The following PSEN1 variants were observed in gnomAD, a reference collection of about 807,000 sequenced individuals.
PSEN1 encodes presenilin-1.
Under a neutral mutation model 53.5 loss-of-function variants are expected in PSEN1, and 15 were observed. The ratio of observed to expected loss-of-function variants is 0.28; its 90% CI spans 0.19 to 0.43. The LOEUF (loss-of-function observed/expected upper bound fraction) is 0.43, where lower values mean the gene tolerates loss of function less well. Among genes scored for constraint, PSEN1 ranks in the 20% least tolerant of loss-of-function variants. The pLI, the probability that PSEN1 is intolerant of heterozygous loss-of-function variation, is 1.00. For synonymous variants in PSEN1, 208 were observed against 209.8 expected, an observed-to-expected ratio of 0.99 and a Z score of 0.08; for missense variants, 387 against 571.2, an observed-to-expected ratio of 0.68 and a Z score of 3.29.
At chr14:73,146,480 A>G (rs142849869) in intron 1 of PSEN1, among the ~76,000 whole-genome samples, 1 of 152,292 alleles carries the variant, frequency 6.6e-6, no homozygotes, top group East Asian at 1.9e-4. Context: ...ATGAATTTGC[A>G]TTTCGCTGAT....
chr14:73,150,318 G>A (rs1489365470), intron 3 of PSEN1, among the ~76,000 whole-genome samples: 1 of 152,098 alleles, frequency 6.6e-6, no homozygotes, highest in Non-Finnish European at 1.5e-5. Context: ...AGATAAAATT[G>A]AAGTGCTCCT....
intron 1 of PSEN1, among the ~76,000 whole-genome samples, chr14:73,147,158 G>A (rs1308978368): frequency 6.6e-6 from 1 of 150,684 alleles, no homozygotes; most frequent in Non-Finnish European, 1.5e-5. Flanking sequence ...GCTAATTTTT[G>A]TATTTTTAGT....
intron 1 of PSEN1, among the ~76,000 whole-genome samples, chr14:73,138,833 G>A (rs1896827440): frequency 6.6e-6 from 1 of 151,158 alleles, no homozygotes; most frequent in Non-Finnish European, 1.5e-5. Flanking sequence ...CGGGCGTGAT[G>A]GCGGGCGCCT....
intron 5 of PSEN1, among the ~76,000 whole-genome samples, chr14:73,176,490 C>G (rs144084598): frequency 6.6e-6 from 1 of 152,186 alleles, no homozygotes; most frequent in Admixed American, 6.5e-5. Context: ...CTTTCCCTTA[C>G]AAAATACCTG....
intron 7 of PSEN1, among the ~76,000 whole-genome samples, chr14:73,193,309 C>CA (rs1308316744): frequency 2.0e-5 from 3 of 151,362 alleles, no homozygotes; most frequent in Non-Finnish European, 1.5e-5. Flanking sequence ...GACCTTGTCT[C>CA]AAAAAAAATT....
At position 73,170,190 on chromosome 14, in the gene PSEN1, GT is replaced by G. The variant is rs372333965; in HGVS notation, c.88-603del. Among the ~76,000 whole-genome samples, 22 of 152,274 alleles carry G rather than the reference GT, an allele frequency of 1.4e-4. No homozygotes were observed. In the East Asian group the frequency reaches 3.9e-3, roughly 27 times the overall value. ...CTCCTCACCATCTTGGTTTTGGTGG[GT>G]TTTGGCCAGCTTCTTTATTGCAACC... On this transcript the variant is annotated intron_variant, in intron 3 of 11. Coordinates refer to ENST00000324501, the MANE Select transcript of PSEN1 (RefSeq NM_000021.4).
chr14:73,201,624 G>A (rs760715744), intron 8 of PSEN1, among the ~76,000 whole-genome samples: 1 of 152,168 alleles, frequency 6.6e-6, no homozygotes, highest in Non-Finnish European at 1.5e-5. Context: ...AGAAGGAGAG[G>A]TATAGTAAAT....
intron 6 of PSEN1, chr14:73,189,770 A>G: frequency 4.8e-6 from 1 of 209,410 alleles, no homozygotes; most frequent in Non-Finnish European, 1.0e-5. Flanking sequence ...GGTGAAGCAG[A>G]GATGCCAGCT....
intron 11 of PSEN1, among the ~76,000 whole-genome samples, chr14:73,218,213 A>G (rs1273554518): frequency 6.6e-6 from 1 of 150,824 alleles, no homozygotes; most frequent in African/African-American, 2.5e-5. Flanking sequence ...CAGCCTCCCA[A>G]GTAGCTGGAA....
In PSEN1 at chr14:73,144,064, G is replaced by T. The variant is rs1190053679; in HGVS notation, c.-135-3731G>T. 1.1e-4 allele frequency among the ~76,000 whole-genome samples: 12 copies of T among 112,764 alleles called. 1 individual carries two copies. The highest frequency in any genetic ancestry group is 1.9e-4 in the Non-Finnish European group (11 of 58,476). The allele number at this position is 112,764 out of a possible 152,430, so 74.0% of individuals were successfully genotyped here. ...TTTTTTTTTTTTTTTTTTTTGAGAT[G>T]GAGTCTCACTCTGTCACCCAGGCAG... On this transcript the variant is annotated intron_variant, in intron 1 of 11. Transcript: ENST00000324501.
intron 8 of PSEN1, among the ~76,000 whole-genome samples, chr14:73,200,563 A>G (rs751937012): frequency 6.6e-6 from 1 of 152,224 alleles, no homozygotes; most frequent in Non-Finnish European, 1.5e-5. Context: ...GCCCTGTAAA[A>G]TTAATCTTAA....
At chr14:73,182,740 A>C (rs200998182) in intron 5 of PSEN1, among the ~76,000 whole-genome samples, 1 of 151,810 alleles carries the variant, frequency 6.6e-6, no homozygotes, top group Non-Finnish European at 1.5e-5. Flanking sequence ...TCGGGAGGCT[A>C]AGGCAGGAGA....
intron 8 of PSEN1, among the ~76,000 whole-genome samples, chr14:73,203,479 G>A (rs934716013): frequency 5.9e-5 from 9 of 152,084 alleles, no homozygotes; most frequent in African/African-American, 1.4e-4. Flanking sequence ...ACGCAATGCC[G>A]ATGAGTACTT....
rs1428166701 is a variant in PSEN1, at chr14:73,206,411, G to A, written c.894G>A (p.Met298Ile). The A allele has an allele frequency of 1.2e-6, 2 of 1,613,944 alleles. No individual in the cohort carries two copies. Among genetic ancestry groups the A allele is most frequent in the Non-Finnish European group, 1.7e-6 (2 of 1,179,978 alleles). ...CAACAATGGTGTGGTTGGTGAATATGGCAGAAGGAGACCCGGAAGCTCAAA... is the reference window on the plus strand; with the variant it reads ...CAACAATGGTGTGGTTGGTGAATATAGCAGAAGGAGACCCGGAAGCTCAAA... The part of the protein sequence containing the change: ...YSSTMVWLVN[M>I]AEGDPEAQRR... The change falls in exon 9 of 12, where the codon ATG becomes ATA. Residue 298 changes from methionine to isoleucine, a missense_variant. Physicochemically the swap from Met to Ile is conservative, Grantham distance 10. Coordinates refer to ENST00000324501, the MANE Select transcript of PSEN1 (RefSeq NM_000021.4).
chr14:73,151,002 A>G (rs545270090), intron 3 of PSEN1, among the ~76,000 whole-genome samples: 1 of 151,924 alleles, frequency 6.6e-6, no homozygotes, highest in African/African-American at 2.4e-5. Flanking sequence ...TGGGAGGCGG[A>G]GCTTGCAGTG....
chr14:73,199,782 G>C (rs1047948733), intron 8 of PSEN1, among the ~76,000 whole-genome samples: 1 of 152,188 alleles, frequency 6.6e-6, no homozygotes, highest in Non-Finnish European at 1.5e-5. Context: ...GTCTCGCTCT[G>C]TCATGCAGGC....
chr14:73,213,746 A>G (rs79729083), intron 10 of PSEN1, among the ~76,000 whole-genome samples: 1 of 152,242 alleles, frequency 6.6e-6, no homozygotes, highest in Non-Finnish European at 1.5e-5. Flanking sequence ...CTGTAAACAC[A>G]TAAAAAGATA....
At chr14:73,139,136 A>G (rs894004485) in intron 1 of PSEN1, among the ~76,000 whole-genome samples, 1 of 150,536 alleles carries the variant, frequency 6.6e-6, no homozygotes, top group African/African-American at 2.4e-5. Flanking sequence ...ACAAAAAATT[A>G]GCCAGACATG....
chr14:73,206,353 A>C, intron 8 of PSEN1, 33 bp from the exon 9 acceptor site: 1 of 1,521,976 alleles, frequency 6.6e-7, no homozygotes, highest in Non-Finnish European at 9.1e-7. Flanking sequence ...TTGTGTGTCC[A>C]GTGCTTACCT....
Sources: allele counts gnomAD v4.1 joint callset (sites outside exome capture counted in the v4.1 genomes callset), GRCh38; gene constraint gnomAD v4.1.1; transcripts MANE v1.5; gene names NCBI Gene and HGNC (gene_info 2026-07-23, HGNC 2026-07-21).